The following NUP93 variants were observed in gnomAD, a reference collection of about 807,000 sequenced individuals.
The protein encoded by NUP93 is nucleoporin 93.
NUP93 carries 55 observed loss-of-function variants against 107.8 expected under a neutral mutation model. The observed-to-expected ratio is 0.51, with a 90% confidence interval of 0.41 to 0.64. The LOEUF (loss-of-function observed/expected upper bound fraction) is 0.64. Ranked by LOEUF, NUP93 falls within the 30% of genes least tolerant of loss-of-function variation. The pLI, the probability that NUP93 is intolerant of heterozygous loss-of-function variation, is 0.00. For missense variants in NUP93, 937 were observed against 1,044.7 expected, an observed-to-expected ratio of 0.90 and a Z score of 1.42; for synonymous variants, 390 against 397.5, an observed-to-expected ratio of 0.98 and a Z score of 0.22.
intron 1 of NUP93, 125 bp downstream of exon 1, chr16:56,730,336 T>C (rs1961511903): frequency 6.6e-6 from 1 of 152,312 alleles, no homozygotes; most frequent in African/African-American, 2.4e-5. Context: ...GTTCTCCTCA[T>C]GGCAGCCGGG....
chr16:56,808,784 A>G (rs1309840966), intron 5 of NUP93, among the ~76,000 whole-genome samples: 1 of 145,452 alleles, frequency 6.9e-6, no homozygotes, highest in Non-Finnish European at 1.5e-5. Flanking sequence ...AAATACATAT[A>G]TAAATATGTA....
intron 1 of NUP93, among the ~76,000 whole-genome samples, chr16:56,743,619 T>G (rs1450107487): frequency 5.3e-5 from 8 of 152,254 alleles, no homozygotes; most frequent in Non-Finnish European, 7.4e-5. Flanking sequence ...AGCTTTTTAT[T>G]GAAGTATGAT....
chr16:56,818,112 A>C (rs1963471122), intron 5 of NUP93, among the ~76,000 whole-genome samples: 1 of 152,182 alleles, frequency 6.6e-6, no homozygotes, highest in African/African-American at 2.4e-5. Context: ...GGCACTTAGC[A>C]AATATTTACT....
chr16:56,806,066 G>A (rs1466379282), intron 5 of NUP93, among the ~76,000 whole-genome samples: 1 of 146,862 alleles, frequency 6.8e-6, no homozygotes, highest in African/African-American at 2.5e-5. Flanking sequence ...TTGCCTTCTT[G>A]GCTCTGCTTG....
chr16:56,833,235 A>C lies in NUP93; in HGVS notation c.1366A>C (p.Asn456His). Residue 456 changes from asparagine (N) to histidine (H), a missense_variant, in exon 13 of 22, where the codon AAC becomes CAC. Coordinates refer to ENST00000308159, the MANE Select transcript of NUP93 (RefSeq NM_014669.5). ...CCCAGGCGAGTCCCACTTTACGGTG[A>C]ACCAGCAACCCTTCCTCTACTTCCA... ...EDYGESHFTV[N>H]QQPFLYFQVL... 6.3e-7 allele frequency: 1 copy of C among 1,597,718 alleles called. No individual in the cohort carries two copies.
chr16:56,823,641 C>T, intron 7 of NUP93, 66 bp from the exon 8 acceptor site: 2 of 1,576,946 alleles, frequency 1.3e-6, no homozygotes, highest in Middle Eastern at 3.4e-4. Flanking sequence ...GGTCAGAGTG[C>T]CACAAAGAAC....
Position 56,758,528 on chromosome 16 carries a change from C to T in NUP93, c.180-10C>T, listed in dbSNP as rs1204634941. 6.3e-7 allele frequency: 1 copy of T among 1,598,822 alleles called. No individual in the cohort carries two copies. Among genetic ancestry groups the T allele is most frequent in the South Asian group, 1.1e-5 (1 of 90,776 alleles). The stretch of plus-strand genomic sequence containing the variant: ...TTACTTATATCTCCCTATTCTATAT[C>T]CTCACATAGGTCAGTTCTCCTCGGG... On this transcript the variant is annotated splice_polypyrimidine_tract_variant and intron_variant, in intron 2 of 21. Transcript: ENST00000308159.
In NUP93 at chr16:56,847,626, C is replaced by T. The variant is rs1964131224; in HGVS notation, c.*3017C>T. On this transcript the variant is annotated 3_prime_UTR_variant, in exon 22 of 22. Coordinates refer to ENST00000308159, the MANE Select transcript of NUP93 (RefSeq NM_014669.5). ...GAGATTTAATTTCACAGATTCTCTTCTTTTGGCTCAACAACAACAGCAACA... is the reference window on the plus strand; with the variant it reads ...GAGATTTAATTTCACAGATTCTCTTTTTTTGGCTCAACAACAACAGCAACA... The T allele has an allele frequency of 6.6e-6, 1 of 152,210 alleles. No homozygotes were observed. The highest frequency in any genetic ancestry group is 2.1e-4 in the South Asian group (1 of 4,834). 9.4% of individuals were successfully genotyped at this position (152,210 alleles called of 1,614,324 possible).
chr16:56,760,926 T>A (rs1962115189), intron 3 of NUP93, among the ~76,000 whole-genome samples: 2 of 151,642 alleles, frequency 1.3e-5, no homozygotes, highest in South Asian at 4.2e-4. Flanking sequence ...ACCACTGTAC[T>A]CAAGTCTGGG....
rs116892662 is a variant in NUP93 at position 56,750,888 on chromosome 16, G to A, written c.179+2462G>A. On this transcript the variant is annotated intron_variant, in intron 2 of 21. Transcript: ENST00000308159. Reference sequence around the variant, plus strand: ...GAAACAGAATATTGAGCTGGGTGCCGTGGCTCATGCCTGTGACCCCAGCAC... The same window carrying A: ...GAAACAGAATATTGAGCTGGGTGCCATGGCTCATGCCTGTGACCCCAGCAC... Among the ~76,000 whole-genome samples, 412 of 152,216 alleles carry A rather than the reference G, an allele frequency of 2.7e-3. 15 individuals carry two copies. In the East Asian group the frequency reaches 0.07, roughly 26 times the overall value.
At chr16:56,827,069 A>AAAAAAAAAAAAAAAATT (rs1430722800) in intron 8 of NUP93, among the ~76,000 whole-genome samples, 1 of 125,662 alleles carries the variant, frequency 8.0e-6, no homozygotes, top group Non-Finnish European at 1.7e-5. Context: ...AAAAAAAAAA[A>AAAAAAAAAAAAAAAATT]TTTTGTTGAG....
rs1964103006 is a variant in NUP93, at chr16:56,845,287, C to T, written c.*678C>T. On this transcript the variant is annotated 3_prime_UTR_variant, in exon 22 of 22. Transcript: ENST00000308159. Reference sequence around the variant, plus strand: ...AGCTTGCACTTGAGGAAGGGGTAAACCTTGCCACTGCACTCCTCTGTAGCT... The same window carrying T: ...AGCTTGCACTTGAGGAAGGGGTAAATCTTGCCACTGCACTCCTCTGTAGCT... 1 of 153,354 alleles carries T rather than the reference C, an allele frequency of 6.5e-6. No homozygotes were observed. The allele number at this position is 153,354 out of a possible 1,614,324, so 9.5% of individuals were successfully genotyped here.
intron 3 of NUP93, among the ~76,000 whole-genome samples, chr16:56,791,869 A>G (rs1019760594): frequency 1.3e-5 from 2 of 152,230 alleles, no homozygotes; most frequent in African/African-American, 4.8e-5. Flanking sequence ...TAGTAGCACT[A>G]TTTTGGAACA....
intron 3 of NUP93, among the ~76,000 whole-genome samples, chr16:56,765,782 A>T (rs915717737): frequency 4.6e-5 from 7 of 152,204 alleles, no homozygotes. Flanking sequence ...AAAAAAAAAT[A>T]TAATGTCTTC....
chr16:56,822,896 AT>A (rs1416553633), intron 7 of NUP93, among the ~76,000 whole-genome samples: 1 of 152,334 alleles, frequency 6.6e-6, no homozygotes, highest in African/African-American at 2.4e-5. Context: ...TTGTCTGGAC[AT>A]TCTAAAATTT....
At chr16:56,841,916 G>T in intron 21 of NUP93, 83 bp downstream of exon 21, 2 of 1,527,440 alleles carry the variant, frequency 1.3e-6, no homozygotes, top group South Asian at 2.5e-5. Context: ...GAGACCACAT[G>T]ACCCAAAACT....
intron 4 of NUP93, 99 bp downstream of exon 4, chr16:56,798,637 G>A (rs1962952133): frequency 3.1e-6 from 3 of 965,320 alleles, no homozygotes; most frequent in Non-Finnish European, 4.9e-6. Context: ...GGAGGCTGAT[G>A]CAGGAAGTTC....
Position 56,805,440 on chromosome 16 carries a change from G to A in NUP93, c.361-64G>A, listed in dbSNP as rs1963114502. 27 of 1,598,326 alleles carry A rather than the reference G, an allele frequency of 1.7e-5. 1 individual carries two copies. In the South Asian group the frequency reaches 2.9e-4, roughly 17 times the overall value. On this transcript the variant is annotated intron_variant, in intron 4 of 21. Transcript: ENST00000308159. The stretch of plus-strand genomic sequence containing the variant: ...CTGGAGGGCTTTAGGTTTCTGTTGG[G>A]TCTTAAACCATGTTTTTTTTGTTTT...
chr16:56,805,019 T>A (rs190806683), intron 4 of NUP93, among the ~76,000 whole-genome samples: 11 of 152,326 alleles, frequency 7.2e-5, no homozygotes, highest in South Asian at 2.1e-4. Flanking sequence ...TTATTTATTT[T>A]TTTGGAGATA....
Sources: allele counts gnomAD v4.1 joint callset (sites outside exome capture counted in the v4.1 genomes callset), GRCh38; gene constraint gnomAD v4.1.1; transcripts MANE v1.5; gene names NCBI Gene and HGNC (gene_info 2026-07-23, HGNC 2026-07-21).